NTRK3: variants seen among roughly 807,000 people sequenced by gnomAD.
The protein encoded by NTRK3 is NT-3 growth factor receptor.
A neutral mutation model predicts 91.7 loss-of-function variants in NTRK3; 24 were observed. That is an observed-to-expected ratio of 0.26 (90% CI 0.19 to 0.37). NTRK3 has a LOEUF of 0.37. NTRK3 is among the 10% of genes least tolerant of loss of function. The pLI, the probability that NTRK3 is intolerant of heterozygous loss-of-function variation, is 1.00. For synonymous variants in NTRK3, 483 were observed against 404.0 expected (o/e 1.20, Z -2.34); for missense variants, 880 against 1,068.9 (o/e 0.82, Z 2.46).
Position 88,151,377 on chromosome 15 carries a change from T to TG in NTRK3, c.396-3975dup, listed in dbSNP as rs1319070646. 5.9e-5 allele frequency among the ~76,000 whole-genome samples: 9 copies of TG among 152,264 alleles called. No homozygotes were observed. In the South Asian group the frequency reaches 1.9e-3, roughly 32 times the overall value. ...GCCAGACACACAGATGGCTGAACCCTGGGCCCTGAGGAACGACAGAGCTGA... is the reference window on the plus strand; with the variant it reads ...GCCAGACACACAGATGGCTGAACCCTGGGGCCCTGAGGAACGACAGAGCTGA... On this transcript the variant is annotated intron_variant, in intron 5 of 18. Transcript: ENST00000394480.
At chr15:88,045,026 G>C (rs1328597273) in intron 13 of NTRK3, among the ~76,000 whole-genome samples, 1 of 152,192 alleles carries the variant, frequency 6.6e-6, no homozygotes, top group Non-Finnish European at 1.5e-5. Flanking sequence ...AGTGCTCACT[G>C]GACCAGGTGT....
rs1382372971 is a variant in NTRK3, at chr15:88,233,708, C to T, written c.248+22198G>A. Among the ~76,000 whole-genome samples, 1 of 152,002 alleles carries T rather than the reference C, an allele frequency of 6.6e-6. No individual in the cohort carries two copies. Among genetic ancestry groups the T allele is most frequent in the Non-Finnish European group, 1.5e-5 (1 of 68,002 alleles). On this transcript the variant is annotated intron_variant, in intron 3 of 18. Coordinates refer to ENST00000394480, the Ensembl canonical transcript of NTRK3. This position sits in a 1 kb window ranked among gnomAD's most constrained non-coding sequence, Gnocchi z 4.2. ...AGAAAACTGCTCTCCTCTCCTCCCT[C>T]TCCTCCTGGTCCTCCTTACTCTCCC... is the stretch of plus-strand genomic sequence containing the variant.
intron 12 of NTRK3, 130 bp from the exon 13 acceptor site, chr15:88,126,503 C>T (rs1394332228): frequency 6.4e-6 from 4 of 626,476 alleles, no homozygotes; most frequent in African/African-American, 1.8e-5. Flanking sequence ...AACTGCAATA[C>T]TGAGTAAGGT....
At chr15:88,139,736 A>T (rs2042204262) in intron 6 of NTRK3, among the ~76,000 whole-genome samples, 1 of 152,132 alleles carries the variant, frequency 6.6e-6, no homozygotes, top group Non-Finnish European at 1.5e-5. Context: ...CACATGTGCA[A>T]GGTCTTTGGC....
chr15:88,070,573 C>T (rs367667353), intron 13 of NTRK3, among the ~76,000 whole-genome samples: 1 of 152,108 alleles, frequency 6.6e-6, no homozygotes, highest in African/African-American at 2.4e-5. Flanking sequence ...GGCCAAAAAT[C>T]AGCCCTAGTC....
chr15:88,041,181 T>C (rs1596914132), intron 13 of NTRK3, among the ~76,000 whole-genome samples: 1 of 152,274 alleles, frequency 6.6e-6, no homozygotes, highest in East Asian at 1.9e-4. Flanking sequence ...GACTGCCAAA[T>C]ATTTTCAGGG....
intron 14 of NTRK3, among the ~76,000 whole-genome samples, chr15:88,007,534 G>A (rs980152198): frequency 3.3e-5 from 5 of 152,138 alleles, no homozygotes; most frequent in East Asian, 1.9e-4. Context: ...CACCTATAAG[G>A]GATGGACAGG....
intron 3 of NTRK3, among the ~76,000 whole-genome samples, chr15:88,213,476 G>T (rs1413056748): frequency 1.3e-5 from 2 of 152,104 alleles, no homozygotes; most frequent in Non-Finnish European, 2.9e-5. Flanking sequence ...CCCTCTCTAG[G>T]AACAGTGGAG....
chr15:88,171,239 C>A (rs978003455), intron 5 of NTRK3, among the ~76,000 whole-genome samples: 32 of 152,162 alleles, frequency 2.1e-4, no homozygotes, highest in African/African-American at 7.5e-4. Flanking sequence ...CTCCAGGTCA[C>A]CACACCCCTT....
chr15:88,126,481 T>C lies in NTRK3; in HGVS notation c.1294-108A>G. 6 of 707,046 alleles carry C rather than the reference T, an allele frequency of 8.5e-6. No individual in the cohort carries two copies. The Admixed American group carries it at 1.4e-4, about 16-fold the overall frequency. The allele number at this position is 707,046 out of a possible 1,614,324, so 43.8% of individuals were successfully genotyped here. ...AACAGTCCTACTGCCATAGTAATTG[T>C]AGCCTTCTCAGAACTGCAATACTGA... On this transcript the variant is annotated intron_variant, in intron 12 of 18. Transcript: ENST00000394480.
intron 14 of NTRK3, among the ~76,000 whole-genome samples, chr15:88,001,598 A>G (rs1445450846): frequency 6.6e-6 from 1 of 152,144 alleles, no homozygotes; most frequent in Non-Finnish European, 1.5e-5. Context: ...AAAGACTATT[A>G]TATCCTTTTT....
At chr15:88,139,924 G>T (rs551269903) in intron 6 of NTRK3, among the ~76,000 whole-genome samples, 21 of 150,902 alleles carry the variant, frequency 1.4e-4, no homozygotes, top group Admixed American at 1.4e-3. Flanking sequence ...TGGGGTGGGA[G>T]GGGGGGAGTG....
intron 17 of NTRK3, among the ~76,000 whole-genome samples, chr15:87,891,373 T>C (rs2065851850): frequency 1.3e-5 from 2 of 152,220 alleles, no homozygotes; most frequent in Non-Finnish European, 2.9e-5. Flanking sequence ...CTTTGTTTTT[T>C]ATTTTGCATT....
chr15:87,955,294 G>T (rs1003065472), intron 14 of NTRK3, among the ~76,000 whole-genome samples: 3 of 152,208 alleles, frequency 2.0e-5, no homozygotes, highest in Non-Finnish European at 4.4e-5. Context: ...GCAGGAATTT[G>T]TCTGCAGAAG....
At chr15:87,969,241 C>A (rs1026325742) in intron 14 of NTRK3, among the ~76,000 whole-genome samples, 6 of 152,160 alleles carry the variant, frequency 3.9e-5, no homozygotes, top group African/African-American at 1.4e-4. Flanking sequence ...CCTTCCGAAT[C>A]CCTGCTTGAA....
intron 17 of NTRK3, chr15:87,925,721 T>G (rs118021257): frequency 1.6e-5 from 3 of 182,978 alleles, no homozygotes; most frequent in African/African-American, 2.4e-5. Flanking sequence ...CTAGGATTCA[T>G]GAGCAGTATT....
chr15:87,926,213 A>G (rs532868729), intron 17 of NTRK3, among the ~76,000 whole-genome samples: 8 of 152,300 alleles, frequency 5.3e-5, no homozygotes, highest in Non-Finnish European at 8.8e-5. Context: ...GTTCATTTTG[A>G]TGTGACTTCA....
chr15:87,929,412 T>A (rs777287685), exon 17 of NTRK3: 1 of 1,614,016 alleles, frequency 6.2e-7, no homozygotes, highest in Non-Finnish European at 8.5e-7. Context: ...TCCACAAGGA[T>A]CATTGCATCT....
intron 6 of NTRK3, among the ~76,000 whole-genome samples, chr15:88,142,388 G>T (rs910962635): frequency 1.3e-5 from 2 of 152,240 alleles, no homozygotes; most frequent in African/African-American, 4.8e-5. Flanking sequence ...TAATCGCAGG[G>T]CTCTGATGGC....
Sources: gnomAD v4.1 joint callset for allele counts (sites outside exome capture counted in the v4.1 genomes callset) on GRCh38, gnomAD v4.1.1 for gene constraint, Gnocchi (gnomAD v3.1) non-coding constraint, MANE v1.5 for transcripts, NCBI Gene and HGNC (gene_info 2026-07-23, HGNC 2026-07-21) for gene names.